UBXN4: variants seen among roughly 807,000 people sequenced by gnomAD.
The protein encoded by UBXN4 is UBX domain-containing protein 4.
UBXN4 carries 35 observed loss-of-function variants against 66.2 expected under a neutral mutation model. The ratio of observed to expected loss-of-function variants is 0.53; its 90% CI spans 0.40 to 0.70. UBXN4 has a LOEUF of 0.70. UBXN4 is among the 30% of genes least tolerant of loss of function. The pLI is 0.00. For missense variants in UBXN4, 533 were observed against 599.8 expected, an observed-to-expected ratio of 0.89 and a Z score of 1.16; for synonymous variants, 203 against 204.5, an observed-to-expected ratio of 0.99 and a Z score of 0.06.
At chr2:135,772,350 AT>A in intron 8 of UBXN4, 69 bp from the exon 9 acceptor site, 1 of 1,557,450 alleles carries the variant, frequency 6.4e-7, no homozygotes, top group Non-Finnish European at 8.7e-7. Context: ...TTCCATGCAT[AT>A]TTGTTTGGAA....
intron 9 of UBXN4, among the ~76,000 whole-genome samples, chr2:135,774,830 G>T (rs1387128961): frequency 6.7e-6 from 1 of 150,366 alleles, no homozygotes; most frequent in Non-Finnish European, 1.5e-5. Flanking sequence ...GGGCGACAGA[G>T]TGGGACTCTG....
At chr2:135,764,430 TA>T (rs990046318) in intron 6 of UBXN4, among the ~76,000 whole-genome samples, 26 of 151,046 alleles carry the variant, frequency 1.7e-4, no homozygotes, top group South Asian at 1.7e-3. Context: ...TAAACATAAT[TA>T]AAAAAAAACG....
intron 2 of UBXN4, among the ~76,000 whole-genome samples, chr2:135,749,158 T>C (rs544264077): frequency 6.6e-6 from 1 of 152,200 alleles, no homozygotes; most frequent in Non-Finnish European, 1.5e-5. Context: ...ACTTTAAGCT[T>C]TCCTACTCTA....
intron 4 of UBXN4, among the ~76,000 whole-genome samples, chr2:135,754,525 G>C (rs1236376910): frequency 6.6e-6 from 1 of 152,080 alleles, no homozygotes; most frequent in Non-Finnish European, 1.5e-5. Context: ...GTTTCACCAT[G>C]TTGGCCAGGC....
intron 5 of UBXN4, among the ~76,000 whole-genome samples, chr2:135,758,406 G>T (rs1334668199): frequency 6.6e-6 from 1 of 151,674 alleles, no homozygotes; most frequent in Non-Finnish European, 1.5e-5. Context: ...GCAGAGATGG[G>T]GTCTCACTAT....
rs70973477 is a variant in UBXN4, at chr2:135,758,075, A to ATTT, written c.508+2398_508+2400dup. ...AGGTGTGCACCACCACACCTGGCTA[A>ATTT]TTTTTTTTTTTTTTTTGAGATGGAA... On this transcript the variant is annotated intron_variant, in intron 5 of 12. Coordinates refer to ENST00000272638, the MANE Select transcript of UBXN4 (RefSeq NM_014607.4). Among the ~76,000 whole-genome samples, 297 of 139,818 alleles carry ATTT rather than the reference A, an allele frequency of 2.1e-3. 5 individuals are homozygous for ATTT. The highest frequency in any genetic ancestry group is 0.014 in the Middle Eastern group (4 of 276). 91.7% of individuals were successfully genotyped at this position (139,818 alleles called of 152,430 possible). A position where few individuals can be genotyped will look rare whatever the true frequency, so the allele number is the denominator to read the frequency against.
chr2:135,770,343 A>G (rs193120460), intron 7 of UBXN4, among the ~76,000 whole-genome samples: 6 of 152,306 alleles, frequency 3.9e-5, no homozygotes, highest in Admixed American at 2.6e-4. Context: ...AAGACCTGTA[A>G]TTATGCTTGC....
chr2:135,747,706 C>T (rs1428094854), intron 1 of UBXN4: 1 of 456,284 alleles, frequency 2.2e-6, no homozygotes, highest in South Asian at 1.5e-5. Context: ...GCAATCTCCG[C>T]TCACTGCAAC....
intron 5 of UBXN4, among the ~76,000 whole-genome samples, chr2:135,760,698 T>C (rs1157961869): frequency 6.6e-6 from 1 of 152,186 alleles, no homozygotes; most frequent in Non-Finnish European, 1.5e-5. Context: ...TAAAGAAAGG[T>C]GGTTAATTTC....
chr2:135,752,553 A>G (rs1193709834), intron 2 of UBXN4, among the ~76,000 whole-genome samples: 1 of 152,186 alleles, frequency 6.6e-6, no homozygotes, highest in East Asian at 1.9e-4. Context: ...GTTATTATAG[A>G]GTATTACATT....
At chr2:135,779,953 A>T (rs1258889621) in intron 11 of UBXN4, among the ~76,000 whole-genome samples, 1 of 148,536 alleles carries the variant, frequency 6.7e-6, no homozygotes, top group Non-Finnish European at 1.5e-5. Flanking sequence ...TACAGTTATT[A>T]TACAATTATA....
chr2:135,765,566 A>G (rs967564135), intron 6 of UBXN4, among the ~76,000 whole-genome samples: 4 of 152,328 alleles, frequency 2.6e-5, no homozygotes, highest in Non-Finnish European at 5.9e-5. Flanking sequence ...ATATACTACC[A>G]TGAATTCTAG....
intron 1 of UBXN4, among the ~76,000 whole-genome samples, chr2:135,744,655 T>C (rs2077196043): frequency 6.6e-6 from 1 of 152,170 alleles, no homozygotes; most frequent in South Asian, 2.1e-4. Flanking sequence ...ACTGGCTGTA[T>C]GAGGGTCTGC....
chr2:135,762,479 C>T (rs890537528), intron 6 of UBXN4, among the ~76,000 whole-genome samples: 2 of 152,066 alleles, frequency 1.3e-5, no homozygotes, highest in East Asian at 1.9e-4. Context: ...ACCCCTTTAG[C>T]GTTAGTTATA....
In UBXN4 at chr2:135,761,936, C is replaced by A. The variant is rs144028803; in HGVS notation, c.602+25C>A. 7.0e-4 allele frequency: 1,115 copies of A among 1,590,762 alleles called. 24 individuals are homozygous for A. In the East Asian group the frequency reaches 0.024, roughly 35 times the overall value. On this transcript the variant is annotated intron_variant, in intron 6 of 12. Coordinates refer to ENST00000272638, the MANE Select transcript of UBXN4 (RefSeq NM_014607.4). ...GGTTTGCTCTTCTTTTTGCAAATAG[C>A]ATTTTGTTTAAAAAGACAGTGGTTT...
At chr2:135,781,492 G>A (rs1362098915) in intron 12 of UBXN4, among the ~76,000 whole-genome samples, 1 of 152,212 alleles carries the variant, frequency 6.6e-6, no homozygotes, top group Non-Finnish European at 1.5e-5. Context: ...TATGTGATAA[G>A]TAATAGAAAT....
chr2:135,779,149 AAT>A, intron 11 of UBXN4, 70 bp downstream of exon 11: 1 of 1,452,498 alleles, frequency 6.9e-7, no homozygotes. Flanking sequence ...CATTTCTTAT[AAT>A]TAGGGGAAAG....
chr2:135,765,609 G>A (rs528716846), intron 6 of UBXN4, among the ~76,000 whole-genome samples: 38 of 151,184 alleles, frequency 2.5e-4, no homozygotes, highest in Non-Finnish European at 4.6e-4. Flanking sequence ...AAACCTCAAC[G>A]TTGAAAAAAT....
At chr2:135,782,698 ATTG>A in intron 12 of UBXN4, 48 bp from the exon 13 acceptor site, 1 of 1,591,876 alleles carries the variant, frequency 6.3e-7, no homozygotes, top group Non-Finnish European at 8.5e-7. Flanking sequence ...TTGTATTACT[ATTG>A]TTTTTATTTT....
Sources: gnomAD v4.1 joint callset for allele counts (sites outside exome capture counted in the v4.1 genomes callset) on GRCh38, gnomAD v4.1.1 for gene constraint, MANE v1.5 for transcripts, NCBI Gene and HGNC (gene_info 2026-07-23, HGNC 2026-07-21) for gene names.